BPIFC: variants seen among roughly 807,000 people sequenced by gnomAD.
The protein encoded by BPIFC is BPI fold containing family C.
Under a neutral mutation model 57.6 loss-of-function variants are expected in BPIFC, and 60 were observed. The observed-to-expected ratio is 1.04, with a 90% CI of 0.85 to 1.29. BPIFC has a LOEUF of 1.29. BPIFC is among the 50% of genes most tolerant of loss of function. The pLI is 0.00. For missense variants in BPIFC, 581 were observed against 600.5 expected (o/e 0.97, Z 0.34); for synonymous variants, 243 against 224.5 (o/e 1.08, Z -0.74).
At chr22:32,463,750 G>A (rs1382342274) in intron 1 of BPIFC, among the ~76,000 whole-genome samples, 4 of 152,294 alleles carry the variant, frequency 2.6e-5, no homozygotes, top group South Asian at 2.1e-4. Context: ...GGTATGGAAC[G>A]TGGGCAGAAT....
At chr22:32,415,314 G>A (rs1291175369) in intron 16 of BPIFC, among the ~76,000 whole-genome samples, 2 of 152,160 alleles carry the variant, frequency 1.3e-5, no homozygotes, top group Non-Finnish European at 2.9e-5. Context: ...CTGGGTGTTG[G>A]GGACCCCTGG....
intron 4 of BPIFC, 51 bp downstream of exon 4, chr22:32,453,332 T>G (rs1019035932): frequency 7.6e-7 from 1 of 1,321,898 alleles, no homozygotes; most frequent in African/African-American, 1.5e-5. Flanking sequence ...ATTCCTCCAC[T>G]GTTTCCTTTG....
intron 13 of BPIFC, among the ~76,000 whole-genome samples, chr22:32,427,665 T>C (rs992742539): frequency 6.6e-6 from 1 of 152,196 alleles, no homozygotes; most frequent in African/African-American, 2.4e-5. Context: ...CTTTGGTTCC[T>C]TCCCCCCTCA....
chr22:32,449,397 A>G (rs937218649), intron 4 of BPIFC, among the ~76,000 whole-genome samples: 3 of 152,248 alleles, frequency 2.0e-5, no homozygotes, highest in Non-Finnish European at 2.9e-5. Flanking sequence ...AATTTAAAAC[A>G]TAAATGTGAT....
chr22:32,441,633 C>G (rs1934567243), intron 8 of BPIFC, among the ~76,000 whole-genome samples: 1 of 151,972 alleles, frequency 6.6e-6, no homozygotes, highest in Non-Finnish European at 1.5e-5. Context: ...TGAGCTGGGT[C>G]TTAAATATAA....
intron 4 of BPIFC, among the ~76,000 whole-genome samples, chr22:32,451,331 C>A (rs907308763): frequency 2.0e-5 from 3 of 152,204 alleles, no homozygotes; most frequent in African/African-American, 7.2e-5. Flanking sequence ...CCACGATAAA[C>A]ATACGTGTGC....
intron 5 of BPIFC, 77 bp from the exon 6 acceptor site, chr22:32,446,073 ACT>A: frequency 6.5e-7 from 1 of 1,531,310 alleles, no homozygotes; most frequent in Non-Finnish European, 8.9e-7. Flanking sequence ...TTACCCAGAG[ACT>A]CTAAGCTCCT....
intron 8 of BPIFC, among the ~76,000 whole-genome samples, chr22:32,442,366 C>G (rs1247712695): frequency 6.6e-6 from 1 of 152,130 alleles, no homozygotes; most frequent in Non-Finnish European, 1.5e-5. Flanking sequence ...GTGTTAATCC[C>G]TCTGAAGAGA....
chr22:32,453,853 C>T (rs774728949), intron 3 of BPIFC, among the ~76,000 whole-genome samples: 4 of 151,772 alleles, frequency 2.6e-5, no homozygotes, highest in Admixed American at 6.6e-5. Flanking sequence ...GAGGTTGAGG[C>T]GGGAGGATCG....
At chr22:32,451,602 C>T (rs1030488649) in intron 4 of BPIFC, among the ~76,000 whole-genome samples, 2 of 151,886 alleles carry the variant, frequency 1.3e-5, no homozygotes, top group African/African-American at 2.4e-5. Flanking sequence ...ATGTAAACGA[C>T]GAGTTAATGG....
rs191762757 is a variant in BPIFC at position 32,418,109 on chromosome 22, C to T, written c.1261-961G>A. On this transcript the variant is annotated intron_variant, in intron 14 of 16. Coordinates refer to ENST00000300399, the MANE Select transcript of BPIFC (RefSeq NM_174932.3). ...GTGACAATAACTGAAACAGTTACTG[C>T]GAATATGAAAATAGTGGCCACTGTT... Among the ~76,000 whole-genome samples the T allele has an allele frequency of 6.6e-4, 101 of 152,188 alleles. 1 individual carries two copies. Among genetic ancestry groups the T allele is most frequent in the Non-Finnish European group, 1.9e-4 (13 of 68,010 alleles).
At position 32,419,295 on chromosome 22, in the gene BPIFC, T is replaced by A; in HGVS notation, c.1260+67A>T. ...AAGTCACAGAAAACAATTAATTCGC[T>A]ATTATATATAGTAGGAGAATCCTCG... On this transcript the variant is annotated intron_variant, in intron 14 of 16. Transcript: ENST00000300399. 1.3e-5 allele frequency: 19 copies of A among 1,474,186 alleles called. No homozygotes were observed. The South Asian group carries it at 2.2e-4, about 17-fold the overall frequency. 91.3% of individuals were successfully genotyped at this position (1,474,186 alleles called of 1,614,324 possible). A position where few individuals can be genotyped will look rare whatever the true frequency, so the allele number is the denominator to read the frequency against.
intron 5 of BPIFC, among the ~76,000 whole-genome samples, chr22:32,446,394 T>G (rs1011731867): frequency 6.6e-6 from 1 of 152,204 alleles, no homozygotes; most frequent in African/African-American, 2.4e-5. Flanking sequence ...TGTGAACTCC[T>G]TGAGGGAGTG....
intron 9 of BPIFC, among the ~76,000 whole-genome samples, chr22:32,436,306 AGAAGAG>A (rs1284613946): frequency 6.6e-6 from 1 of 150,924 alleles, no homozygotes; most frequent in East Asian, 2.0e-4. Flanking sequence ...GTCCAAAAGA[AGAAGAG>A]GAAGAGGAAG....
At position 32,437,828 on chromosome 22, in the gene BPIFC, T is replaced by G. The variant is rs769213616; in HGVS notation, c.679A>C (p.Thr227Pro). ...CTGATTAGGGAGTAATCCAGCAGAG[T>G]GTAGTTGTCAATCTTGGTTAAAACT... ...LEVLTKIDNY[T>P]LLDYSLISSP... Residue 227 changes from threonine to proline, a missense_variant, in exon 9 of 17, where the codon ACT becomes CCT. By Grantham distance (38) the Thr-to-Pro change is conservative (BLOSUM62 -1). Transcript: ENST00000300399. The G allele has an allele frequency of 1.6e-5, 26 of 1,611,294 alleles. No individual in the cohort carries two copies. In the South Asian group the frequency reaches 2.4e-4, roughly 15 times the overall value.
intron 13 of BPIFC, 111 bp downstream of exon 13, chr22:32,431,236 C>T (rs948926858): frequency 2.2e-6 from 2 of 924,050 alleles, no homozygotes; most frequent in South Asian, 1.7e-5. Flanking sequence ...GCCTCAGCCT[C>T]CTGAGTAGCT....
At chr22:32,462,474 A>C (rs1049350352) in intron 1 of BPIFC, among the ~76,000 whole-genome samples, 14 of 152,342 alleles carry the variant, frequency 9.2e-5, no homozygotes, top group Admixed American at 5.9e-4. Flanking sequence ...CCATTTCTAT[A>C]GTGAAAAAAA....
chr22:32,434,971 C>T (rs6518776), intron 10 of BPIFC, among the ~76,000 whole-genome samples: 65,604 of 147,154 alleles, frequency 0.45, 14,323 homozygotes, highest in African/African-American at 0.48. Context: ...GATAACTTTA[C>T]GTCAGCATAA....
At chr22:32,455,628 A>G (rs1414582827) in intron 3 of BPIFC, among the ~76,000 whole-genome samples, 1 of 152,152 alleles carries the variant, frequency 6.6e-6, no homozygotes, top group East Asian at 1.9e-4. Flanking sequence ...AGTGAGCAGC[A>G]TTATCCAGAG....
Sources: allele counts gnomAD v4.1 joint callset (sites outside exome capture counted in the v4.1 genomes callset), GRCh38; gene constraint gnomAD v4.1.1; transcripts MANE v1.5; gene names NCBI Gene and HGNC (gene_info 2026-07-23, HGNC 2026-07-21).